The following BTBD8 variants were observed in gnomAD, a reference collection of about 807,000 sequenced individuals.
BTBD8 encodes BTB domain containing 8.
BTBD8 carries 110 observed loss-of-function variants against 162.9 expected under a neutral mutation model. The ratio of observed to expected loss-of-function variants is 0.68; its 90% confidence interval spans 0.58 to 0.79. The LOEUF is 0.79. Among genes scored for constraint, BTBD8 ranks in the 30% least tolerant of loss-of-function variants. The probability of loss-of-function intolerance (pLI) is 0.00; values close to 1 mark genes in which losing one functional copy is unlikely to be tolerated. For missense variants in BTBD8, 1,905 were observed against 2,085.4 expected (o/e 0.91, Z 1.68); for synonymous variants, 667 against 716.1 (o/e 0.93, Z 1.10).
At chr1:92,123,193 C>T (rs1408289842) in intron 4 of BTBD8, among the ~76,000 whole-genome samples, 1 of 152,160 alleles carries the variant, frequency 6.6e-6, no homozygotes, top group East Asian at 1.9e-4. Flanking sequence ...CAATTCTGTT[C>T]CAGTGATTTA....
At chr1:92,103,622 A>G (rs1557441010) in intron 3 of BTBD8, among the ~76,000 whole-genome samples, 1 of 152,166 alleles carries the variant, frequency 6.6e-6, no homozygotes, top group African/African-American at 2.4e-5. Flanking sequence ...GGAAACTTTA[A>G]GCTTCCACAG....
In BTBD8 at chr1:92,080,356, A is replaced by T. The variant is rs1647959671; in HGVS notation, c.-216A>T. ...CGCCTGCGCACGCTCTTCCTGGGTCAAGAGCCGGCTCGGTTCTGGGATTCT... is the reference window on the plus strand; with the variant it reads ...CGCCTGCGCACGCTCTTCCTGGGTCTAGAGCCGGCTCGGTTCTGGGATTCT... On this transcript the variant is annotated 5_prime_UTR_variant, in exon 1 of 18. Transcript: ENST00000636805. 7.9e-6 allele frequency: 5 copies of T among 632,070 alleles called. No homozygotes were observed. The highest frequency in any genetic ancestry group is 6.3e-5 in the South Asian group (3 of 47,286). The allele number at this position is 632,070 out of a possible 1,614,324, so 39.2% of individuals were successfully genotyped here.
intron 4 of BTBD8, among the ~76,000 whole-genome samples, chr1:92,120,788 C>T (rs1649187516): frequency 6.6e-6 from 1 of 152,156 alleles, no homozygotes; most frequent in Non-Finnish European, 1.5e-5. Flanking sequence ...ATCACCTTGT[C>T]AGTATTTACA....
intron 11 of BTBD8, among the ~76,000 whole-genome samples, chr1:92,168,235 A>AGT (rs1650434472): frequency 6.6e-6 from 1 of 152,128 alleles, no homozygotes; most frequent in African/African-American, 2.4e-5. Flanking sequence ...TTTTAAATTT[A>AGT]GTGTGATATT....
At chr1:92,148,645 C>T (rs1208581870) in intron 9 of BTBD8, among the ~76,000 whole-genome samples, 4 of 152,242 alleles carry the variant, frequency 2.6e-5, no homozygotes, top group African/African-American at 4.8e-5. Context: ...TGGCACCACA[C>T]ACAATTACTC....
At chr1:92,160,934 T>G (rs557610124) in intron 9 of BTBD8, among the ~76,000 whole-genome samples, 94 of 152,124 alleles carry the variant, frequency 6.2e-4, no homozygotes, top group Non-Finnish European at 1.2e-3. Context: ...AAGACAGAAA[T>G]CAGTCATCTA....
At chr1:92,156,735 T>C (rs1311388594) in intron 9 of BTBD8, among the ~76,000 whole-genome samples, 1 of 152,162 alleles carries the variant, frequency 6.6e-6, no homozygotes, top group Non-Finnish European at 1.5e-5. Context: ...TGTAATTGTT[T>C]ATAACAGTCC....
chr1:92,181,636 G>A lies in BTBD8; in HGVS notation c.3953G>A (p.Arg1318Lys). The A allele has an allele frequency of 6.5e-7, 1 of 1,550,282 alleles. No homozygotes were observed. The highest frequency in any genetic ancestry group is 1.2e-5 in the South Asian group (1 of 83,862). The change falls in exon 17 of 18, where the codon AGA becomes AAA. Residue 1318 changes from arginine (R) to lysine (K), a missense_variant. By Grantham distance (26) the Arg-to-Lys change is conservative (BLOSUM62 2). Around this residue, in one of 3 missense-constraint regions of BTBD8, gnomAD observed 517 missense variants for 606.6 expected, o/e 0.85. Coordinates refer to ENST00000636805, the MANE Select transcript of BTBD8 (RefSeq NM_001376131.1). ...EELKIYDSNL[R>K]IEVKMKKQSN... ...TTAAAAATTTATGATAGTAATTTAA[G>A]AATTGAAGTAAAAATGAAAAAGCAA...
chr1:92,099,510 TAA>T (rs1648533171), intron 2 of BTBD8, among the ~76,000 whole-genome samples: 1 of 152,186 alleles, frequency 6.6e-6, no homozygotes, highest in African/African-American at 2.4e-5. Flanking sequence ...TTAACAATAT[TAA>T]GTCATCTAAT....
intron 4 of BTBD8, chr1:92,125,913 G>A: frequency 2.3e-6 from 1 of 436,288 alleles, no homozygotes; most frequent in Non-Finnish European, 4.6e-6. Context: ...TGTTGAAGAA[G>A]GAGGGAGCTT....
At chr1:92,089,581 C>G (rs1648245268) in intron 2 of BTBD8, among the ~76,000 whole-genome samples, 1 of 152,150 alleles carries the variant, frequency 6.6e-6, no homozygotes. Flanking sequence ...GATCAAGGTG[C>G]CAGCAGATTC....
Position 92,181,497 on chromosome 1 carries a change from G to A in BTBD8, c.3814G>A (p.Gly1272Arg). ...GCCCAGATCTGAAGACTATGATGCT[G>A]GAGGGTCTCAGGATGATGATGGGTC... Reference protein sequence around the residue: ...IKPRSEDYDAGGSQDDDGSND... With the variant: ...IKPRSEDYDARGSQDDDGSND... The change falls in exon 17 of 18, where the codon GGA becomes AGA. Residue 1272 changes from glycine (G) to arginine (R), a missense_variant. Coordinates refer to ENST00000636805, the MANE Select transcript of BTBD8 (RefSeq NM_001376131.1). 2 of 1,551,714 alleles carry A rather than the reference G, an allele frequency of 1.3e-6. No homozygotes were observed. Among genetic ancestry groups the A allele is most frequent in the Non-Finnish European group, 1.7e-6 (2 of 1,146,960 alleles).
intron 17 of BTBD8, among the ~76,000 whole-genome samples, chr1:92,183,425 T>G (rs1650976191): frequency 6.6e-6 from 1 of 152,192 alleles, no homozygotes; most frequent in Non-Finnish European, 1.5e-5. Flanking sequence ...CATCTTCCTT[T>G]GCATGTGCAA....
chr1:92,103,049 T>TCATAA (rs1648631719), intron 3 of BTBD8, among the ~76,000 whole-genome samples: 1 of 152,198 alleles, frequency 6.6e-6, no homozygotes, highest in Admixed American at 6.5e-5. Context: ...ATATGGCATT[T>TCATAA]TACCATGAAA....
chr1:92,144,654 A>T (rs7549158), intron 7 of BTBD8, among the ~76,000 whole-genome samples: 95,755 of 151,426 alleles, frequency 0.63, 30,784 homozygotes, highest in East Asian at 0.97. Flanking sequence ...CAAAAAATTT[A>T]AAAAAAATTA....
intron 13 of BTBD8, among the ~76,000 whole-genome samples, chr1:92,173,495 A>G (rs1650619339): frequency 6.6e-6 from 1 of 152,160 alleles, no homozygotes; most frequent in South Asian, 2.1e-4. Context: ...TTGCCTTCCT[A>G]TCCCCTGCTA....
At chr1:92,145,218 A>G (rs1649883915) in intron 7 of BTBD8, among the ~76,000 whole-genome samples, 1 of 152,202 alleles carries the variant, frequency 6.6e-6, no homozygotes, top group Non-Finnish European at 1.5e-5. Context: ...CCTTGCCTCG[A>G]CATCCCAAAG....
chr1:92,137,071 A>C (rs1253349083), intron 5 of BTBD8, among the ~76,000 whole-genome samples: 2 of 152,164 alleles, frequency 1.3e-5, no homozygotes, highest in Non-Finnish European at 2.9e-5. Flanking sequence ...GTGCTAAGAC[A>C]TGGATGTATA....
chr1:92,113,837 C>G (rs989543528), intron 4 of BTBD8, among the ~76,000 whole-genome samples: 3 of 151,682 alleles, frequency 2.0e-5, no homozygotes, highest in African/African-American at 7.3e-5. Context: ...TCGGTGAAAC[C>G]CTGTCTCTAC....
Sources: gnomAD v4.1 joint callset for allele counts (sites outside exome capture counted in the v4.1 genomes callset) on GRCh38, gnomAD v4.1.1 for gene constraint, gnomAD v4.1.1 regional missense constraint, MANE v1.5 for transcripts, NCBI Gene and HGNC (gene_info 2026-07-23, HGNC 2026-07-21) for gene names.